FSTL5: variants seen among roughly 807,000 people sequenced by gnomAD.
FSTL5 encodes follistatin like 5.
A neutral mutation model predicts 89.1 loss-of-function variants in FSTL5; 62 were observed. The ratio of observed to expected loss-of-function variants is 0.70; its 90% CI spans 0.57 to 0.86. The LOEUF is 0.86. FSTL5 is among the 40% of genes least tolerant of loss of function. The pLI, the probability that FSTL5 is intolerant of heterozygous loss-of-function variation, is 0.00. For synonymous variants in FSTL5, 383 were observed against 346.2 expected (o/e 1.11, Z -1.18); for missense variants, 1,057 against 1,001.6 (o/e 1.06, Z -0.75).
intron 3 of FSTL5, among the ~76,000 whole-genome samples, chr4:161,973,725 G>A (rs1003191239): frequency 6.6e-6 from 1 of 152,140 alleles, no homozygotes; most frequent in African/African-American, 2.4e-5. Flanking sequence ...TGACAAGAGA[G>A]TGGAAAAATC....
chr4:161,487,386 T>G (rs1372022659), intron 12 of FSTL5, among the ~76,000 whole-genome samples: 9 of 152,168 alleles, frequency 5.9e-5, no homozygotes, highest in Non-Finnish European at 1.2e-4. Context: ...TGCTGCCAGT[T>G]GGCATACAAT....
chr4:162,154,761 A>C (rs1431890794), intron 1 of FSTL5, among the ~76,000 whole-genome samples: 1 of 152,172 alleles, frequency 6.6e-6, no homozygotes, highest in Admixed American at 6.5e-5. Context: ...AATAAAATCC[A>C]ATGTGGATCA....
At chr4:162,140,956 G>T (rs187569827) in intron 1 of FSTL5, among the ~76,000 whole-genome samples, 152 of 151,914 alleles carry the variant, frequency 1.0e-3, no homozygotes, top group Middle Eastern at 3.4e-3. Flanking sequence ...TTGGTGGTAG[G>T]GCCTGGTGGG....
intron 6 of FSTL5, among the ~76,000 whole-genome samples, chr4:161,689,444 T>C (rs1469056442): frequency 6.6e-6 from 1 of 152,090 alleles, no homozygotes; most frequent in East Asian, 1.9e-4. Context: ...ATAGACAATA[T>C]AAAAATCTTA....
Position 161,667,345 on chromosome 4 carries a change from C to G in FSTL5, c.728-10851G>C, listed in dbSNP as rs79588435. Among the ~76,000 whole-genome samples, 940 of 152,126 alleles carry G rather than the reference C, an allele frequency of 6.2e-3. 10 individuals are homozygous for G. Among genetic ancestry groups the G allele is most frequent in the African/African-American group, 0.022 (898 of 41,524 alleles). On this transcript the variant is annotated intron_variant, in intron 6 of 15. Transcript: ENST00000306100. ...AGAATAGTTTCCATGTGAAGCCTGA[C>G]CTAACAAAAACTGTACTAACAGAAA... is the stretch of plus-strand genomic sequence containing the variant.
chr4:161,833,425 C>T (rs1730916913), intron 4 of FSTL5, among the ~76,000 whole-genome samples: 1 of 128,584 alleles, frequency 7.8e-6, no homozygotes, highest in Non-Finnish European at 1.7e-5. Context: ...AGTTCAATTC[C>T]TGGGTATCCT....
chr4:161,484,887 C>A (rs6858725), intron 12 of FSTL5, among the ~76,000 whole-genome samples: 84,880 of 151,968 alleles, frequency 0.56, 23,886 homozygotes, highest in East Asian at 0.78. Flanking sequence ...TCTTGCAAGG[C>A]AGAGATTGGC....
chr4:161,992,947 T>TAC, intron 3 of FSTL5, among the ~76,000 whole-genome samples: 1 of 2,436 alleles, frequency 4.1e-4, no homozygotes, highest in African/African-American at 6.0e-4. Flanking sequence ...TATATGTGTG[T>TAC]ATATCTATAT....
intron 7 of FSTL5, among the ~76,000 whole-genome samples, chr4:161,618,253 A>AT (rs1734970009): frequency 7.3e-6 from 1 of 136,686 alleles, no homozygotes; most frequent in Non-Finnish European, 1.6e-5. Flanking sequence ...TAGATATACA[A>AT]TCATGTCATC....
intron 7 of FSTL5, among the ~76,000 whole-genome samples, chr4:161,638,552 T>C (rs1339083470): frequency 5.3e-5 from 8 of 151,674 alleles, no homozygotes; most frequent in East Asian, 1.9e-4. Flanking sequence ...GATTCACAGC[T>C]GAATTCTACC....
intron 4 of FSTL5, among the ~76,000 whole-genome samples, chr4:161,847,958 C>A (rs1731421779): frequency 6.8e-6 from 1 of 146,254 alleles, no homozygotes; most frequent in Admixed American, 7.1e-5. Context: ...ATCTCTTGAA[C>A]CCGGGAGGCA....
rs915077913 is a variant in FSTL5 at position 161,416,488 on chromosome 4, G to C, written c.1842-30039C>G. Among the ~76,000 whole-genome samples the C allele has an allele frequency of 3.9e-4, 59 of 152,230 alleles. 1 individual carries two copies. Among genetic ancestry groups the C allele is most frequent in the Non-Finnish European group, 2.1e-4 (14 of 68,020 alleles). On this transcript the variant is annotated intron_variant, in intron 15 of 15. Coordinates refer to ENST00000306100, the MANE Select transcript of FSTL5 (RefSeq NM_020116.5). ...TTGCTCTGTCATCATGAGAGCTTCA[G>C]ATACATACAATGTGTTAATCCACCA...
chr4:161,470,904 G>GA (rs1733913806), intron 13 of FSTL5, among the ~76,000 whole-genome samples: 1 of 152,068 alleles, frequency 6.6e-6, no homozygotes, highest in Admixed American at 6.6e-5. Flanking sequence ...TTAGTGTATA[G>GA]AAATGCAACA....
chr4:161,480,914 A>G, intron 13 of FSTL5, 106 bp downstream of exon 13: 1 of 726,186 alleles, frequency 1.4e-6, no homozygotes, highest in South Asian at 2.1e-5. Context: ...TTATCCAAGT[A>G]AGGAAACACA....
chr4:162,024,857 A>G (rs1250695950), intron 3 of FSTL5, among the ~76,000 whole-genome samples: 3 of 151,856 alleles, frequency 2.0e-5, no homozygotes, highest in Admixed American at 6.6e-5. Context: ...GGGTCTCACT[A>G]TGCTTTTCAG....
intron 3 of FSTL5, among the ~76,000 whole-genome samples, chr4:161,992,875 T>A (rs867387701): frequency 0.084 from 2,849 of 34,056 alleles, 73 homozygotes; most frequent in Non-Finnish European, 0.11. Context: ...TATATATATA[T>A]ATATATATAT....
chr4:161,705,994 A>C (rs1393493186), intron 6 of FSTL5, among the ~76,000 whole-genome samples: 1 of 50,232 alleles, frequency 2.0e-5, no homozygotes, highest in African/African-American at 7.7e-5. Flanking sequence ...ATATATATAT[A>C]TACACACATC....
chr4:161,769,895 T>TGAAAAAAA (rs1241734841), intron 5 of FSTL5, among the ~76,000 whole-genome samples: 3 of 151,330 alleles, frequency 2.0e-5, no homozygotes. Context: ...ATCTTATATT[T>TGAAAAAAA]GAAAAAAAAA....
intron 7 of FSTL5, among the ~76,000 whole-genome samples, chr4:161,598,406 A>AC (rs1734109724): frequency 6.6e-6 from 1 of 151,150 alleles, no homozygotes; most frequent in Non-Finnish European, 1.5e-5. Flanking sequence ...AAACAAACAA[A>AC]ACGCATGTTT....
Sources: allele counts gnomAD v4.1 joint callset (sites outside exome capture counted in the v4.1 genomes callset), GRCh38; gene constraint gnomAD v4.1.1; transcripts MANE v1.5; gene names NCBI Gene and HGNC (gene_info 2026-07-23, HGNC 2026-07-21).